SPAST: variants seen among roughly 807,000 people sequenced by gnomAD.
SPAST encodes spastic paraplegia 4 (autosomal dominant; spastin).
A neutral mutation model predicts 76.6 loss-of-function variants in SPAST; 30 were observed. The ratio of observed to expected loss-of-function variants is 0.39; its 90% CI spans 0.29 to 0.53. The LOEUF (loss-of-function observed/expected upper bound fraction) is 0.53. Ranked by LOEUF, SPAST falls within the 20% of genes least tolerant of loss-of-function variation. The pLI is 0.68. For synonymous variants in SPAST, 305 were observed against 281.0 expected (o/e 1.09, Z -0.86); for missense variants, 717 against 770.5 (o/e 0.93, Z 0.82).
In SPAST at chr2:32,064,937, C is replaced by T. The variant is rs115986105; in HGVS notation, c.415+691C>T. On this transcript the variant is annotated intron_variant, in intron 1 of 16. Transcript: ENST00000315285. ...AATGGATTGCGTAAACTTAAACATACCACTTTACAGTAAAACCTAAAACAA... is the reference window on the plus strand; with the variant it reads ...AATGGATTGCGTAAACTTAAACATATCACTTTACAGTAAAACCTAAAACAA... Among the ~76,000 whole-genome samples, 730 of 152,220 alleles carry T rather than the reference C, an allele frequency of 4.8e-3. 5 individuals carry two copies. The highest frequency in any genetic ancestry group is 8.1e-3 in the Admixed American group (123 of 15,276).
At chr2:32,083,657 A>C (rs1573061263) in intron 1 of SPAST, among the ~76,000 whole-genome samples, 1 of 344 alleles carries the variant, frequency 2.9e-3, no homozygotes, top group East Asian at 0.5. Context: ...TCTGCCTACT[A>C]TATATATATA....
At chr2:32,083,741 TTATATATACTATATATATA>T (rs1677340724) in intron 1 of SPAST, among the ~76,000 whole-genome samples, 1 of 57,142 alleles carries the variant, frequency 1.8e-5, no homozygotes, top group Non-Finnish European at 3.2e-5. Flanking sequence ...CTATATATAT[TTATATATACTATATATATA>T]TATATATATA....
intron 1 of SPAST, among the ~76,000 whole-genome samples, chr2:32,074,342 T>A (rs1676866743): frequency 6.6e-6 from 1 of 152,160 alleles, no homozygotes; most frequent in Admixed American, 6.6e-5. Context: ...GTTTTGCCTG[T>A]GTTTAGACAT....
chr2:32,070,283 A>T (rs1210858999), intron 1 of SPAST, among the ~76,000 whole-genome samples: 1 of 151,628 alleles, frequency 6.6e-6, no homozygotes, highest in Non-Finnish European at 1.5e-5. Flanking sequence ...GGTCAGGCTG[A>T]TCTCGAACTC....
intron 16 of SPAST, among the ~76,000 whole-genome samples, chr2:32,152,567 T>C (rs919641971): frequency 6.6e-6 from 1 of 152,072 alleles, no homozygotes; most frequent in Non-Finnish European, 1.5e-5. Context: ...AACAAAAATA[T>C]TAATTTCTAT....
Position 32,115,845 on chromosome 2 carries a change from G to A in SPAST, c.1004+10G>A. 6.2e-7 allele frequency: 1 copy of A among 1,600,010 alleles called. No homozygotes were observed. The highest frequency in any genetic ancestry group is 1.7e-4 in the Middle Eastern group (1 of 6,016). On this transcript the variant is annotated intron_variant, in intron 6 of 16. Coordinates refer to ENST00000315285, the MANE Select transcript of SPAST (RefSeq NM_014946.4). ...ATGAAATTGTGGACAAGTAAGTTTT[G>A]CCATCTAAATGTTTTATTTTATAGT...
rs1680194696 is a variant in SPAST, at chr2:32,154,603, TAG to T, written c.*110_*111del. On this transcript the variant is annotated 3_prime_UTR_variant, in exon 17 of 17. Coordinates refer to ENST00000315285, the MANE Select transcript of SPAST (RefSeq NM_014946.4). Reference sequence around the variant, plus strand: ...AACAGCCTAAGTTTACAGGACTTTTTAGAGTCTTACATATTTGTGCACCAAAC... The same window carrying T: ...AACAGCCTAAGTTTACAGGACTTTTTAGTCTTACATATTTGTGCACCAAAC... The T allele has an allele frequency of 4.4e-6, 5 of 1,143,274 alleles. No homozygotes were observed. In the South Asian group the frequency reaches 5.1e-5, roughly 12 times the overall value. 70.8% of individuals were successfully genotyped at this position (1,143,274 alleles called of 1,614,324 possible). A position where few individuals can be genotyped will look rare whatever the true frequency, so the allele number is the denominator to read the frequency against.
chr2:32,072,106 G>T (rs573375410), intron 1 of SPAST, among the ~76,000 whole-genome samples: 1 of 152,262 alleles, frequency 6.6e-6, no homozygotes, highest in East Asian at 1.9e-4. Context: ...GCAGTGGCAT[G>T]ATCTCGGCTC....
intron 4 of SPAST, among the ~76,000 whole-genome samples, chr2:32,110,332 C>G (rs1678505508): frequency 6.7e-6 from 1 of 149,264 alleles, no homozygotes; most frequent in Non-Finnish European, 1.5e-5. Flanking sequence ...GTTGGCCAGG[C>G]TGTTCTCAAA....
chr2:32,116,928 C>T (rs1678856528), intron 7 of SPAST, among the ~76,000 whole-genome samples: 1 of 152,106 alleles, frequency 6.6e-6, no homozygotes, highest in Non-Finnish European at 1.5e-5. Context: ...GATGGCACCA[C>T]TGCACTCCAT....
intron 9 of SPAST, among the ~76,000 whole-genome samples, chr2:32,135,223 G>A (rs1679498608): frequency 6.7e-6 from 1 of 150,260 alleles, no homozygotes; most frequent in Non-Finnish European, 1.5e-5. Flanking sequence ...TCCACCTCCT[G>A]GGTTCACGCC....
At position 32,110,632 on chromosome 2, in the gene SPAST, TGTA is replaced by T. The variant is rs1191193823; in HGVS notation, c.683-4002_683-4000del. On this transcript the variant is annotated intron_variant, in intron 4 of 16. Transcript: ENST00000315285. ...TACTATATAGTGTATATATAGTATA[TGTA>T]GTATATATAGTATATATAGTATAGT... Among the ~76,000 whole-genome samples, 660 of 137,402 alleles carry T rather than the reference TGTA, an allele frequency of 4.8e-3. 9 individuals carry two copies. The highest frequency in any genetic ancestry group is 0.016 in the African/African-American group (581 of 36,218). 90.1% of individuals were successfully genotyped at this position (137,402 alleles called of 152,430 possible). A position where few individuals can be genotyped will look rare whatever the true frequency, so the allele number is the denominator to read the frequency against.
chr2:32,095,887 A>C (rs1677897165), intron 3 of SPAST, among the ~76,000 whole-genome samples: 1 of 152,208 alleles, frequency 6.6e-6, no homozygotes, highest in Non-Finnish European at 1.5e-5. Context: ...CGTAAGAGGT[A>C]TAGGCAGATC....
chr2:32,110,126 GT>G (rs1482414176), intron 4 of SPAST, among the ~76,000 whole-genome samples: 8 of 111,908 alleles, frequency 7.1e-5, no homozygotes, highest in Admixed American at 4.4e-4. Flanking sequence ...TGTTTTTTTT[GT>G]TTTTTTTTGG....
At chr2:32,097,816 C>T (rs1677976595) in intron 3 of SPAST, among the ~76,000 whole-genome samples, 1 of 151,704 alleles carries the variant, frequency 6.6e-6, no homozygotes. Context: ...GCCTCAGCTT[C>T]CCGAGTAGTT....
intron 16 of SPAST, among the ~76,000 whole-genome samples, chr2:32,148,517 CA>C (rs1473036421): frequency 7.0e-6 from 1 of 142,296 alleles, no homozygotes. Flanking sequence ...ATCAAAAATA[CA>C]AAAAAATTAG....
chr2:32,110,722 A>G (rs1231752056), intron 4 of SPAST, among the ~76,000 whole-genome samples: 2 of 131,636 alleles, frequency 1.5e-5, no homozygotes, highest in South Asian at 2.3e-4. Flanking sequence ...ACTATATAGT[A>G]TACATATAGT....
intron 4 of SPAST, among the ~76,000 whole-genome samples, chr2:32,113,856 C>T (rs899688648): frequency 6.6e-6 from 1 of 152,030 alleles, no homozygotes; most frequent in Non-Finnish European, 1.5e-5. Flanking sequence ...TGTGAGCCAT[C>T]GCGCCCGGCG....
intron 4 of SPAST, among the ~76,000 whole-genome samples, chr2:32,112,762 T>C (rs1357778396): frequency 6.6e-6 from 1 of 152,198 alleles, no homozygotes; most frequent in East Asian, 1.9e-4. Context: ...TGATTTCCTA[T>C]ACTAGTTTAG....
Sources: allele counts gnomAD v4.1 joint callset (sites outside exome capture counted in the v4.1 genomes callset), GRCh38; gene constraint gnomAD v4.1.1; transcripts MANE v1.5; gene names NCBI Gene and HGNC (gene_info 2026-07-23, HGNC 2026-07-21).